IGSF11: variants seen among roughly 807,000 people sequenced by gnomAD.
The protein encoded by IGSF11 is CXADR like 1.
IGSF11 carries 22 observed loss-of-function variants against 41.0 expected under a neutral mutation model. That is an observed-to-expected ratio of 0.54 (90% CI 0.38 to 0.77). IGSF11 has a LOEUF of 0.77. IGSF11 is among the 30% of genes least tolerant of loss of function. The probability of loss-of-function intolerance (pLI) is 0.00; values close to 1 mark genes in which losing one functional copy is unlikely to be tolerated. For missense variants in IGSF11, 444 were observed against 530.8 expected, an observed-to-expected ratio of 0.84 and a Z score of 1.61; for synonymous variants, 219 against 201.3, an observed-to-expected ratio of 1.09 and a Z score of -0.74.
At chr3:119,085,888 GGAAT>G (rs2076662743) in intron 1 of IGSF11, among the ~76,000 whole-genome samples, 1 of 152,194 alleles carries the variant, frequency 6.6e-6, no homozygotes, top group Non-Finnish European at 1.5e-5. Context: ...AACAAAGCAA[GGAAT>G]GAATGAAGGG....
intron 1 of IGSF11, among the ~76,000 whole-genome samples, chr3:118,986,903 T>C (rs908389258): frequency 2.6e-5 from 4 of 152,216 alleles, no homozygotes; most frequent in African/African-American, 9.6e-5. Flanking sequence ...CAGCAGAATA[T>C]GTGACTCTGG....
At chr3:118,958,940 A>G (rs1945144795) in intron 1 of IGSF11, among the ~76,000 whole-genome samples, 1 of 152,204 alleles carries the variant, frequency 6.6e-6, no homozygotes, top group African/African-American at 2.4e-5. Context: ...AGAAGTCATC[A>G]TTTCATTTCA....
At chr3:119,050,889 C>T (rs1352303834) in intron 1 of IGSF11, among the ~76,000 whole-genome samples, 11 of 151,188 alleles carry the variant, frequency 7.3e-5, no homozygotes, top group Admixed American at 1.3e-4. Context: ...AGTAAACTAT[C>T]GCAAGGACAA....
At chr3:119,030,438 C>G (rs1940289336) in intron 1 of IGSF11, among the ~76,000 whole-genome samples, 1 of 152,120 alleles carries the variant, frequency 6.6e-6, no homozygotes, top group Non-Finnish European at 1.5e-5. Flanking sequence ...CTGTGGCTTA[C>G]TTCATATTTC....
chr3:118,977,325 T>C (rs1218992627), intron 1 of IGSF11, among the ~76,000 whole-genome samples: 1 of 152,148 alleles, frequency 6.6e-6, no homozygotes, highest in African/African-American at 2.4e-5. Flanking sequence ...AGGGCCCTTG[T>C]GGCTAAGGGG....
chr3:119,030,231 CAACAGT>C (rs1388909253), intron 1 of IGSF11, among the ~76,000 whole-genome samples: 1 of 152,092 alleles, frequency 6.6e-6, no homozygotes, highest in Non-Finnish European at 1.5e-5. Context: ...ACTTTGTCCA[CAACAGT>C]AAATTTGTAT....
At chr3:118,971,207 C>A (rs1024877154) in intron 1 of IGSF11, among the ~76,000 whole-genome samples, 1 of 152,078 alleles carries the variant, frequency 6.6e-6, no homozygotes, top group African/African-American at 2.4e-5. Context: ...TTTACAGGGG[C>A]AGAAAGCAGA....
At chr3:119,086,995 T>G (rs1197798302) in intron 1 of IGSF11, among the ~76,000 whole-genome samples, 1 of 152,182 alleles carries the variant, frequency 6.6e-6, no homozygotes, top group Non-Finnish European at 1.5e-5. Context: ...CTATCTGTTG[T>G]CTTCAAGAGA....
Position 119,092,310 on chromosome 3 carries a change from G to A in IGSF11, c.49+12834C>T, listed in dbSNP as rs114239013. Among the ~76,000 whole-genome samples the A allele has an allele frequency of 6.0e-3, 913 of 152,164 alleles. 10 individuals are homozygous for A. The highest frequency in any genetic ancestry group is 0.021 in the African/African-American group (882 of 41,518). On this transcript the variant is annotated intron_variant, in intron 1 of 6. Transcript: ENST00000354673. ...AAAAATTTTTAATAAATTTAGTGTAGCCTAAGTGGTATACAGTGTTTCTTT... is the reference window on the plus strand; with the variant it reads ...AAAAATTTTTAATAAATTTAGTGTAACCTAAGTGGTATACAGTGTTTCTTT...
intron 1 of IGSF11, among the ~76,000 whole-genome samples, chr3:119,059,201 A>T (rs1298558776): frequency 2.0e-5 from 3 of 151,318 alleles, no homozygotes. Context: ...ACACACACAC[A>T]CACACACCAC....
chr3:119,105,773 C>G (rs74457994), upstream of IGSF11, among the ~76,000 whole-genome samples: 718 of 152,286 alleles, frequency 4.7e-3, 13 homozygotes, highest in African/African-American at 0.017. Flanking sequence ...TCCCAATGCC[C>G]ATATCCAGGT....
At chr3:119,057,777 A>G (rs529807690) in intron 1 of IGSF11, among the ~76,000 whole-genome samples, 2,606 of 152,238 alleles carry the variant, frequency 0.017, 76 homozygotes, top group African/African-American at 0.058. Flanking sequence ...AAACAGAGAT[A>G]CAGACCAATG....
intron 1 of IGSF11, among the ~76,000 whole-genome samples, chr3:118,935,409 T>C (rs911049926): frequency 2.2e-4 from 31 of 140,418 alleles, no homozygotes; most frequent in African/African-American, 4.9e-4. Flanking sequence ...CACACACACA[T>C]ATACATACGT....
intron 1 of IGSF11, among the ~76,000 whole-genome samples, chr3:119,051,093 A>G (rs1941606738): frequency 6.6e-6 from 1 of 151,970 alleles, no homozygotes; most frequent in Non-Finnish European, 1.5e-5. Context: ...ACCTGTATAC[A>G]TATGTAACTA....
chr3:118,916,896 T>G (rs1449744044), intron 4 of IGSF11, among the ~76,000 whole-genome samples: 2 of 151,888 alleles, frequency 1.3e-5, no homozygotes, highest in African/African-American at 2.4e-5. Context: ...ACAGAAATTA[T>G]AACAAACTGT....
intron 1 of IGSF11, among the ~76,000 whole-genome samples, chr3:118,995,645 GTTTATTTA>G (rs34860359): frequency 2.1e-5 from 3 of 144,604 alleles, no homozygotes; most frequent in Non-Finnish European, 4.4e-5. Context: ...TGGTTTGCTT[GTTTATTTA>G]TTTATTTATT....
At position 119,015,318 on chromosome 3, in the gene IGSF11, T is replaced by C. The variant is rs1004793330; in HGVS notation, c.52+19213A>G. Among the ~76,000 whole-genome samples the C allele has an allele frequency of 6.6e-5, 10 of 152,212 alleles. No homozygotes were observed. The East Asian group carries it at 1.7e-3, about 26-fold the overall frequency. On this transcript the variant is annotated intron_variant, in intron 1 of 6. Coordinates refer to ENST00000393775, the MANE Select transcript of IGSF11 (RefSeq NM_001015887.3). Reference sequence around the variant, plus strand: ...ATTTATTTAGAAATGAAAACAATGCTTGTGCAAGATCTACCTTATTTAACG... The same window carrying C: ...ATTTATTTAGAAATGAAAACAATGCCTGTGCAAGATCTACCTTATTTAACG...
At chr3:119,081,601 C>A (rs2076587178) in intron 1 of IGSF11, among the ~76,000 whole-genome samples, 1 of 152,158 alleles carries the variant, frequency 6.6e-6, no homozygotes, top group African/African-American at 2.4e-5. Context: ...AAATTCTAGT[C>A]CTGGTTTTCA....
At position 118,902,858 on chromosome 3, in the gene IGSF11, G is replaced by A. The variant is rs762961735; in HGVS notation, c.958C>T (p.Arg320Ter). 83 of 1,613,994 alleles carry A rather than the reference G, an allele frequency of 5.1e-5. No individual in the cohort carries two copies. Among genetic ancestry groups the A allele is most frequent in the Non-Finnish European group, 6.9e-5 (81 of 1,179,984 alleles). ...TLTSSNAYNSRYWSNNPKVHR... is the reference protein window; with the variant it reads ...TLTSSNAYNS ...ACTTTTGGATTGTTGCTCCAGTATCGACTGTTGTAGGCATTGGAAGAGGTT... is the reference window on the plus strand; with the variant it reads ...ACTTTTGGATTGTTGCTCCAGTATCAACTGTTGTAGGCATTGGAAGAGGTT... Residue 320 changes from arginine (R) to a stop codon, truncating the protein, a stop_gained, in exon 7 of 7, where the codon CGA becomes TGA. Coordinates refer to ENST00000393775, the MANE Select transcript of IGSF11 (RefSeq NM_001015887.3). LOFTEE classifies it high-confidence loss of function.
Sources: allele counts gnomAD v4.1 joint callset (sites outside exome capture counted in the v4.1 genomes callset), GRCh38; gene constraint gnomAD v4.1.1; transcripts MANE v1.5; gene names NCBI Gene and HGNC (gene_info 2026-07-23, HGNC 2026-07-21).